QKI: variants seen among roughly 807,000 people sequenced by gnomAD.
QKI encodes the protein KH domain-containing RNA-binding protein QKI.
QKI carries 10 observed loss-of-function variants against 39.0 expected under a neutral mutation model. The observed-to-expected ratio is 0.26, with a 90% CI of 0.16 to 0.43. The LOEUF (loss-of-function observed/expected upper bound fraction) is 0.43. Among genes scored for constraint, QKI ranks in the 20% least tolerant of loss-of-function variants. The pLI is 1.00. For missense variants in QKI, 218 were observed against 428.0 expected (o/e 0.51, Z 4.33); for synonymous variants, 204 against 155.4 (o/e 1.31, Z -2.33).
intron 3 of QKI, among the ~76,000 whole-genome samples, chr6:163,494,907 T>C (rs943771966): frequency 2.7e-5 from 4 of 149,550 alleles, no homozygotes; most frequent in African/African-American, 1.0e-4. Flanking sequence ...TGTCTTTTTT[T>C]ATTATTTATT....
chr6:163,457,187 T>C (rs756329686), intron 2 of QKI, among the ~76,000 whole-genome samples: 11 of 152,136 alleles, frequency 7.2e-5, no homozygotes, highest in Non-Finnish European at 1.5e-4. Flanking sequence ...TAACATAGAA[T>C]ATGTAAGACC....
At chr6:163,421,133 G>C (rs1471686074) in intron 1 of QKI, among the ~76,000 whole-genome samples, 2 of 152,162 alleles carry the variant, frequency 1.3e-5, no homozygotes, top group African/African-American at 4.8e-5. Flanking sequence ...AAGAAATGAA[G>C]CAGTTGTGTG....
At chr6:163,515,108 A>G (rs1006619227) in intron 3 of QKI, among the ~76,000 whole-genome samples, 1 of 152,144 alleles carries the variant, frequency 6.6e-6, no homozygotes. Flanking sequence ...AGGGCAGAAA[A>G]CCTGAATTAA....
intron 1 of QKI, among the ~76,000 whole-genome samples, chr6:163,433,586 G>A (rs182728240): frequency 1.8e-4 from 28 of 152,230 alleles, no homozygotes; most frequent in Admixed American, 3.3e-4. Context: ...CCAACATAGT[G>A]AAATCCCATC....
At position 163,512,250 on chromosome 6, in the gene QKI, G is replaced by T. The variant is rs181019883; in HGVS notation, c.403-22732G>T. ...AATATACTCAGCAGTAAAATTCTCA[G>T]TGTGTTCCTCCTAAGGTCACAAACA... On this transcript the variant is annotated intron_variant, in intron 3 of 7. Transcript: ENST00000361752. 9.3e-4 allele frequency among the ~76,000 whole-genome samples: 141 copies of T among 152,070 alleles called. 1 individual carries two copies. Among genetic ancestry groups the T allele is most frequent in the African/African-American group, 3.2e-3 (134 of 41,536 alleles).
At chr6:163,485,932 A>AAAAC (rs552393567) in intron 3 of QKI, among the ~76,000 whole-genome samples, 12 of 152,246 alleles carry the variant, frequency 7.9e-5, no homozygotes, top group African/African-American at 2.4e-4. Flanking sequence ...TGATGAGCTA[A>AAAAC]AAACAAACAA....
chr6:163,574,920 A>G lies in QKI; in HGVS notation c.*4210A>G, dbSNP rs1414189793. On this transcript the variant is annotated 3_prime_UTR_variant, in exon 8 of 8. Transcript: ENST00000361752. ...AAACTGTACCAATACGCTGTTAACC[A>G]ATCAGACTGTCCAGGTATTCTCATT... 2.0e-5 allele frequency: 3 copies of G among 152,082 alleles called. No individual in the cohort carries two copies. The highest frequency in any genetic ancestry group is 7.3e-5 in the African/African-American group (3 of 41,306). The allele number at this position is 152,082 out of a possible 1,614,324, so 9.4% of individuals were successfully genotyped here. A position where few individuals can be genotyped will look rare whatever the true frequency, so the allele number is the denominator to read the frequency against.
chr6:163,465,339 A>G lies in QKI; in HGVS notation c.285+9918A>G, dbSNP rs1003070980. On this transcript the variant is annotated intron_variant, in intron 2 of 7. Coordinates refer to ENST00000361752, the MANE Select transcript of QKI (RefSeq NM_006775.3). ...AGAACAGTTAGGCCAAGAAAAAGAA[A>G]TAAAGGCAGCCAGGAGTGGTGGCTC... Among the ~76,000 whole-genome samples the G allele has an allele frequency of 7.5e-4, 114 of 152,254 alleles. 1 individual carries two copies. Among genetic ancestry groups the G allele is most frequent in the Non-Finnish European group, 2.2e-4 (15 of 68,016 alleles).
chr6:163,416,111 A>G (rs372038689), intron 1 of QKI, among the ~76,000 whole-genome samples: 20 of 147,932 alleles, frequency 1.4e-4, no homozygotes, highest in Non-Finnish European at 2.8e-4. Flanking sequence ...GCGCAGCCTG[A>G]GTTAGAAGAA....
chr6:163,494,503 G>T (rs149104114), intron 3 of QKI, among the ~76,000 whole-genome samples: 1 of 152,262 alleles, frequency 6.6e-6, no homozygotes, highest in East Asian at 1.9e-4. Flanking sequence ...ATTCAGACAC[G>T]CACACAGTGG....
intron 1 of QKI, among the ~76,000 whole-genome samples, chr6:163,439,090 C>T (rs1789533935): frequency 6.6e-6 from 1 of 152,162 alleles, no homozygotes; most frequent in African/African-American, 2.4e-5. Context: ...TCATCAGTTT[C>T]ATCTTCTTTC....
At chr6:163,553,265 A>G (rs2128247153) in intron 4 of QKI, among the ~76,000 whole-genome samples, 1 of 151,700 alleles carries the variant, frequency 6.6e-6, no homozygotes, top group East Asian at 1.9e-4. Context: ...CACCATTGCC[A>G]GCTAATTTTG....
intron 1 of QKI, among the ~76,000 whole-genome samples, chr6:163,419,048 A>G (rs190547430): frequency 1.3e-5 from 2 of 152,238 alleles, no homozygotes; most frequent in South Asian, 2.1e-4. Context: ...TCAGAAAAAG[A>G]GAGCAGATGG....
At chr6:163,415,991 CT>C in intron 1 of QKI, 3 of 458,388 alleles carry the variant, frequency 6.5e-6, no homozygotes, top group South Asian at 3.1e-5. Context: ...GCGAAAAGCA[CT>C]TTTTTCCCTT....
intron 7 of QKI, chr6:163,569,918 GT>G: frequency 1.0e-6 from 1 of 986,960 alleles, no homozygotes; most frequent in Non-Finnish European, 1.2e-6. Flanking sequence ...ATTTTACAGT[GT>G]TTACATGCAA....
At chr6:163,542,786 T>C (rs1390548422) in intron 4 of QKI, among the ~76,000 whole-genome samples, 2 of 152,070 alleles carry the variant, frequency 1.3e-5, no homozygotes, top group Non-Finnish European at 2.9e-5. Context: ...GCTGATCTCT[T>C]TATATACATG....
chr6:163,556,300 G>C (rs936661746), intron 4 of QKI, among the ~76,000 whole-genome samples: 2 of 152,058 alleles, frequency 1.3e-5, no homozygotes, highest in Admixed American at 1.3e-4. Flanking sequence ...ATCACCTGAG[G>C]TCAGGAGTTC....
intron 3 of QKI, among the ~76,000 whole-genome samples, chr6:163,505,774 TG>T (rs1350936576): frequency 6.6e-6 from 1 of 152,194 alleles, no homozygotes. Flanking sequence ...TTTGGGTTAA[TG>T]CTGGAATGAG....
chr6:163,549,286 T>C (rs933426461), intron 4 of QKI, among the ~76,000 whole-genome samples: 1 of 152,086 alleles, frequency 6.6e-6, no homozygotes, highest in Non-Finnish European at 1.5e-5. Flanking sequence ...CTGGAGGGGA[T>C]ATGCAGGAAG....
Sources: gnomAD v4.1 joint callset for allele counts (sites outside exome capture counted in the v4.1 genomes callset) on GRCh38, gnomAD v4.1.1 for gene constraint, MANE v1.5 for transcripts, NCBI Gene and HGNC (gene_info 2026-07-23, HGNC 2026-07-21) for gene names.